Variants in KANK4 observed in about 807,000 individuals in gnomAD.
KANK4 encodes the protein KN motif and ankyrin repeat domain-containing protein 4.
In KANK4, 50 loss-of-function variants were observed where a neutral mutation model predicts 80.8. That is an observed-to-expected ratio of 0.62 (90% CI 0.49 to 0.78). The LOEUF (loss-of-function observed/expected upper bound fraction) is 0.78, where lower values mean the gene tolerates loss of function less well. KANK4 is among the 30% of genes least tolerant of loss of function. The pLI is 0.00. For synonymous variants in KANK4, 465 were observed against 506.9 expected (o/e 0.92, Z 1.11); for missense variants, 1,196 against 1,240.1 (o/e 0.96, Z 0.53).
rs565045917 is a variant in KANK4, at chr1:62,244,478, G to A, written c.2883+2994C>T. On this transcript the variant is annotated intron_variant, in intron 9 of 9. Coordinates refer to ENST00000371153, the MANE Select transcript of KANK4 (RefSeq NM_181712.5). The stretch of plus-strand genomic sequence containing the variant: ...GACCTGTGGGAAGTAATTGAATCAT[G>A]GGGGCAGGTCTTTCCTGTGCCATTC... Among the ~76,000 whole-genome samples, 7 of 152,250 alleles carry A rather than the reference G, an allele frequency of 4.6e-5. No individual in the cohort carries two copies. In the South Asian group the frequency reaches 1.5e-3, roughly 32 times the overall value.
At chr1:62,270,445 A>C (rs115484269) in intron 4 of KANK4, among the ~76,000 whole-genome samples, 4,415 of 151,204 alleles carry the variant, frequency 0.029, 86 homozygotes, top group Non-Finnish European at 0.042. Flanking sequence ...GCAGTGGCAC[A>C]ATCTCGGCGG....
chr1:62,297,073 CG>C (rs1322560832), intron 1 of KANK4, among the ~76,000 whole-genome samples: 2 of 151,570 alleles, frequency 1.3e-5, no homozygotes, highest in Non-Finnish European at 2.9e-5. Flanking sequence ...AAAAATTAGC[CG>C]GGTGTGGTGA....
chr1:62,239,894 A>T (rs10889312), intron 9 of KANK4, among the ~76,000 whole-genome samples: 42,415 of 152,090 alleles, frequency 0.28, 6,830 homozygotes, highest in Non-Finnish European at 0.36. Flanking sequence ...TATGCCACAT[A>T]TTCTTAATCC....
intron 2 of KANK4, among the ~76,000 whole-genome samples, chr1:62,278,956 C>T (rs12409073): frequency 6.6e-6 from 1 of 152,048 alleles, no homozygotes; most frequent in African/African-American, 2.4e-5. Context: ...AAGAGCTCTC[C>T]TAAAGGAGAG....
intron 9 of KANK4, among the ~76,000 whole-genome samples, chr1:62,246,732 G>A (rs1671474581): frequency 6.6e-6 from 1 of 151,974 alleles, no homozygotes; most frequent in Non-Finnish European, 1.5e-5. Flanking sequence ...TGAGTAGCTG[G>A]GATTACAGGC....
intron 1 of KANK4, among the ~76,000 whole-genome samples, chr1:62,283,418 T>A (rs1051238745): frequency 2.0e-5 from 3 of 152,186 alleles, no homozygotes; most frequent in Non-Finnish European, 4.4e-5. Flanking sequence ...CCATGTCACA[T>A]AACAAGCAAG....
chr1:62,294,752 T>C (rs1214061800), intron 1 of KANK4, among the ~76,000 whole-genome samples: 2 of 152,262 alleles, frequency 1.3e-5, no homozygotes, highest in East Asian at 3.9e-4. Context: ...GAAGCGGACA[T>C]GTGTGATGTG....
intron 1 of KANK4, among the ~76,000 whole-genome samples, chr1:62,286,228 C>T (rs373790090): frequency 6.6e-6 from 1 of 152,230 alleles, no homozygotes; most frequent in African/African-American, 2.4e-5. Context: ...CTGCATAGCC[C>T]ACAGCAGGGA....
rs1672276949 is a variant in KANK4 at position 62,275,000 on chromosome 1, A to C, written c.104T>G (p.Leu35Ter). ...YSVETPYGFH[L>*]DLDFLKYVDD... ...CACATACTTGAGGAAGTCCAGGTCTAAATGAAAGCCATATGGGGTCTCCAC... is the reference window on the plus strand; with the variant it reads ...CACATACTTGAGGAAGTCCAGGTCTCAATGAAAGCCATATGGGGTCTCCAC... Residue 35 changes from leucine to a stop codon, truncating the protein, a stop_gained, in exon 3 of 10, where the codon TTA (leucine) becomes TGA (stop). Transcript: ENST00000371153. LOFTEE classifies it high-confidence loss of function. 1 of 1,614,014 alleles carries C rather than the reference A, an allele frequency of 6.2e-7. No homozygotes were observed. Among genetic ancestry groups the C allele is most frequent in the Non-Finnish European group, 8.5e-7 (1 of 1,180,012 alleles).
At chr1:62,253,314 G>C in intron 7 of KANK4, 105 bp from the exon 8 acceptor site, 1 of 1,063,414 alleles carries the variant, frequency 9.4e-7, no homozygotes, top group Non-Finnish European at 1.3e-6. Flanking sequence ...GAAAGCCATG[G>C]ACTAGAGCAA....
chr1:62,302,305 T>C (rs144444959), intron 1 of KANK4, among the ~76,000 whole-genome samples: 41 of 152,118 alleles, frequency 2.7e-4, no homozygotes, highest in African/African-American at 9.6e-4. Flanking sequence ...GGGAGAAGGA[T>C]GGACTTCTAG....
intron 1 of KANK4, among the ~76,000 whole-genome samples, chr1:62,314,458 T>G (rs1186482744): frequency 1.2e-4 from 19 of 152,052 alleles, no homozygotes; most frequent in Admixed American, 1.2e-3. Context: ...GCTAGGAACA[T>G]CCAAATCGAT....
intron 1 of KANK4, among the ~76,000 whole-genome samples, chr1:62,306,384 G>A (rs1179356560): frequency 6.6e-6 from 1 of 152,062 alleles, no homozygotes; most frequent in Non-Finnish European, 1.5e-5. Context: ...CAATAGGTAA[G>A]CCCCATTTTT....
At chr1:62,263,637 A>G (rs1024917126) in intron 6 of KANK4, among the ~76,000 whole-genome samples, 1 of 152,024 alleles carries the variant, frequency 6.6e-6, no homozygotes. Context: ...AACCCCTGGT[A>G]TGCGCACAAT....
chr1:62,259,437 T>C (rs1671826724), intron 7 of KANK4, among the ~76,000 whole-genome samples: 1 of 152,146 alleles, frequency 6.6e-6, no homozygotes, highest in African/African-American at 2.4e-5. Flanking sequence ...CCATCACGCC[T>C]GGCTAATCTT....
At chr1:62,291,626 G>A (rs1361966160) in intron 1 of KANK4, among the ~76,000 whole-genome samples, 1 of 151,274 alleles carries the variant, frequency 6.6e-6, no homozygotes, top group African/African-American at 2.4e-5. Context: ...TTTGGTTATT[G>A]AGACAGAGTC....
At chr1:62,285,231 G>A (rs1300351907) in intron 1 of KANK4, among the ~76,000 whole-genome samples, 1 of 152,190 alleles carries the variant, frequency 6.6e-6, no homozygotes, top group African/African-American at 2.4e-5. Context: ...AAGGAGGTGA[G>A]GACCAAGGCT....
intron 2 of KANK4, among the ~76,000 whole-genome samples, chr1:62,280,158 G>A (rs538223320): frequency 6.6e-6 from 1 of 152,324 alleles, no homozygotes; most frequent in African/African-American, 2.4e-5. Context: ...TAGAGAGAAA[G>A]TGGCTGAAAA....
chr1:62,305,806 A>G (rs144362140), intron 1 of KANK4, among the ~76,000 whole-genome samples: 1 of 152,202 alleles, frequency 6.6e-6, no homozygotes, highest in Non-Finnish European at 1.5e-5. Flanking sequence ...CGCTCTGATA[A>G]CCCAGTACCC....
Sources: allele counts gnomAD v4.1 joint callset (sites outside exome capture counted in the v4.1 genomes callset), GRCh38; gene constraint gnomAD v4.1.1; transcripts MANE v1.5; gene names NCBI Gene and HGNC (gene_info 2026-07-23, HGNC 2026-07-21).